EIF4ENIF1: variants seen among roughly 807,000 people sequenced by gnomAD.
The protein encoded by EIF4ENIF1 is eukaryotic translation initiation factor 4E nuclear import factor 1.
In EIF4ENIF1, 23 loss-of-function variants were observed where a neutral mutation model predicts 110.5. The observed-to-expected ratio is 0.21, with a 90% CI of 0.15 to 0.29. The LOEUF is 0.29. EIF4ENIF1 is among the 10% of genes least tolerant of loss of function. The probability of loss-of-function intolerance (pLI) is 1.00; values close to 1 mark genes in which losing one functional copy is unlikely to be tolerated. For missense variants in EIF4ENIF1, 1,031 were observed against 1,221.1 expected (o/e 0.84, Z 2.32); for synonymous variants, 440 against 437.0 (o/e 1.01, Z -0.09).
rs200828373 is a variant in EIF4ENIF1 at position 31,476,051 on chromosome 22, T to C, written c.97-4134A>G. Among the ~76,000 whole-genome samples, 4 of 152,154 alleles carry C rather than the reference T, an allele frequency of 2.6e-5. No homozygotes were observed. In the East Asian group the frequency reaches 7.7e-4, roughly 29 times the overall value. Reference sequence around the variant, plus strand: ...CCTAAGGACAAGAGGGCTTAAAATTTTTCTAGTAGAAACAGGAAGGACCTT... The same window carrying C: ...CCTAAGGACAAGAGGGCTTAAAATTCTTCTAGTAGAAACAGGAAGGACCTT... On this transcript the variant is annotated intron_variant, in intron 2 of 18. Transcript: ENST00000330125.
chr22:31,484,341 ACTT>A (rs536119699), intron 2 of EIF4ENIF1, among the ~76,000 whole-genome samples: 263 of 152,254 alleles, frequency 1.7e-3, no homozygotes, highest in Non-Finnish European at 2.9e-3. Context: ...AAACATTTAT[ACTT>A]CTTCTACTCA....
chr22:31,444,186 A>G (rs902543825), intron 15 of EIF4ENIF1, among the ~76,000 whole-genome samples: 2 of 152,170 alleles, frequency 1.3e-5, no homozygotes, highest in African/African-American at 4.8e-5. Context: ...GCCTTAGTTT[A>G]TATCACTGAG....
chr22:31,481,327 A>G (rs1461510390), intron 2 of EIF4ENIF1, among the ~76,000 whole-genome samples: 1 of 57,766 alleles, frequency 1.7e-5, no homozygotes, highest in East Asian at 3.0e-4. Flanking sequence ...CACCTCTGGC[A>G]ATTTTTTTTT....
intron 6 of EIF4ENIF1, 110 bp from the exon 7 acceptor site, chr22:31,458,760 G>C: frequency 9.9e-7 from 1 of 1,009,156 alleles, no homozygotes; most frequent in South Asian, 2.4e-5. Context: ...GACTTAAAAA[G>C]CAGACTTCTC....
In EIF4ENIF1 at chr22:31,454,210, A is replaced by G. The variant is rs763412780; in HGVS notation, c.1446T>C (p.Thr482=). 6.2e-7 allele frequency: 1 copy of G among 1,614,182 alleles called. No homozygotes were observed. Among genetic ancestry groups the G allele is most frequent in the Non-Finnish European group, 8.5e-7 (1 of 1,180,020 alleles). The stretch of plus-strand genomic sequence containing the variant: ...TTGTGCTCACTAGCTTGTTGAACGC[A>G]GTCATGTCTCCGTCTTTCTTCAGTT... ...NRQLKKDGDM[T]AFNKLVSTMK... Residue 482 remains threonine, a synonymous_variant, in exon 10 of 19, where the codon ACT becomes ACC. Transcript: ENST00000330125.
At position 31,455,177 on chromosome 22, in the gene EIF4ENIF1, A is replaced by G; in HGVS notation, c.1238T>C (p.Leu413Pro). Reference sequence around the variant, plus strand: ...TTCTTTATTTGCAGAAAGGCTGGAAAGAAGAGGTTTCAAATCCACTTTGGC... The same window carrying G: ...TTCTTTATTTGCAGAAAGGCTGGAAGGAAGAGGTTTCAAATCCACTTTGGC... Reference protein sequence around the residue: ...QKAKVDLKPLLSSLSANKEKL... With the variant: ...QKAKVDLKPLPSSLSANKEKL... Residue 413 changes from leucine to proline, a missense_variant, in exon 9 of 19, where the codon CTT becomes CCT. Physicochemically the swap from Leu to Pro is moderately conservative, Grantham distance 98. This residue lies in a region of EIF4ENIF1 where 704 missense variants were observed against 879.7 expected (regional missense o/e 0.80). Transcript: ENST00000330125. The G allele has an allele frequency of 6.2e-7, 1 of 1,612,946 alleles. No individual in the cohort carries two copies. The highest frequency in any genetic ancestry group is 2.2e-5 in the East Asian group (1 of 44,874).
chr22:31,485,053 G>T (rs1448855735), intron 2 of EIF4ENIF1, among the ~76,000 whole-genome samples: 1 of 152,176 alleles, frequency 6.6e-6, no homozygotes, highest in Non-Finnish European at 1.5e-5. Context: ...TTTAAAGGGA[G>T]AAGACTTCTT....
Position 31,441,836 on chromosome 22 carries a change from A to G in EIF4ENIF1, c.2489T>C (p.Leu830Ser), listed in dbSNP as rs1331283030. Residue 830 changes from leucine (L) to serine (S), a missense_variant, in exon 17 of 19, where the codon TTG (leucine) becomes TCG (serine). Physicochemically the swap from Leu to Ser is moderately radical, Grantham distance 145. Transcript: ENST00000330125. ...TCCCTGGGCCAGCATCCTCTGTACC[A>G]ACCCTGGGTGAAGCTGGTGAGCAGG... is the stretch of plus-strand genomic sequence containing the variant. ...VRPAHQLHPG[L>S]VQRMLAQGVH... 6.2e-7 allele frequency: 1 copy of G among 1,614,162 alleles called. No individual in the cohort carries two copies. Among genetic ancestry groups the G allele is most frequent in the Non-Finnish European group, 8.5e-7 (1 of 1,180,026 alleles).
At chr22:31,490,713 G>A (rs915558286), upstream of EIF4ENIF1, among the ~76,000 whole-genome samples, 1 of 152,130 alleles carries the variant, frequency 6.6e-6, no homozygotes, top group Non-Finnish European at 1.5e-5. Flanking sequence ...TGAGCAGTGT[G>A]GGTAACTGCA....
chr22:31,463,769 A>G lies in EIF4ENIF1; in HGVS notation c.497T>C (p.Phe166Ser). ...GSGRIISART[F>S]EKDHRLSDKD... Reference sequence around the variant, plus strand: ...ATCGCTAAGACGGTGATCCTTCTCAAAGGTCCGGGCAGAGATTATCCTCCC... The same window carrying G: ...ATCGCTAAGACGGTGATCCTTCTCAGAGGTCCGGGCAGAGATTATCCTCCC... The change falls in exon 5 of 19, where the codon TTT becomes TCT. Residue 166 changes from phenylalanine (F) to serine (S), a missense_variant. Around this residue, in one of 3 missense-constraint regions of EIF4ENIF1, gnomAD observed 704 missense variants for 879.7 expected, o/e 0.80. Transcript: ENST00000330125. 1 of 1,613,886 alleles carries G rather than the reference A, an allele frequency of 6.2e-7. No individual in the cohort carries two copies. Among genetic ancestry groups the G allele is most frequent in the South Asian group, 1.1e-5 (1 of 91,058 alleles).
At chr22:31,478,614 G>A (rs1048968384) in intron 2 of EIF4ENIF1, among the ~76,000 whole-genome samples, 40 of 151,376 alleles carry the variant, frequency 2.6e-4, no homozygotes, top group Admixed American at 1.3e-3. Context: ...TCACGAGATC[G>A]AGACCATCCT....
At chr22:31,455,359 AAAG>A (rs759797218) in intron 8 of EIF4ENIF1, 44 bp from the exon 9 acceptor site, 4 of 1,396,576 alleles carry the variant, frequency 2.9e-6, no homozygotes, top group Non-Finnish European at 3.8e-6. Context: ...CTGTTCCAGT[AAAG>A]AAACATGCCT....
chr22:31,487,516 G>T (rs973752940), intron 2 of EIF4ENIF1, among the ~76,000 whole-genome samples: 1 of 152,192 alleles, frequency 6.6e-6, no homozygotes, highest in Non-Finnish European at 1.5e-5. Flanking sequence ...AATGACTGAG[G>T]CCTGGCACAG....
Position 31,442,013 on chromosome 22 carries a change from A to G in EIF4ENIF1, c.2312T>C (p.Leu771Pro), listed in dbSNP as rs1216172409. 1.9e-6 allele frequency: 3 copies of G among 1,614,196 alleles called. No individual in the cohort carries two copies. Among genetic ancestry groups the G allele is most frequent in the East Asian group, 2.2e-5 (1 of 44,892 alleles). Residue 771 changes from leucine (L) to proline (P), a missense_variant, in exon 17 of 19, where the codon CTG (leucine) becomes CCG (proline). Leu to Pro is a moderately conservative substitution (Grantham distance 98). Around this residue, in one of 3 missense-constraint regions of EIF4ENIF1, gnomAD observed 309 missense variants for 299.1 expected, o/e 1.03. Coordinates refer to ENST00000330125, the MANE Select transcript of EIF4ENIF1 (RefSeq NM_019843.4). The stretch of plus-strand genomic sequence containing the variant: ...TTTGGTGTAACGGTTGGCCTGGGAC[A>G]GTGGGGTGGAACACGAAGACCTCTG... ...ALQRSSCSTP[L>P]SQANRYTKEQ...
chr22:31,467,077 G>A (rs536719067), intron 4 of EIF4ENIF1, among the ~76,000 whole-genome samples: 69 of 152,264 alleles, frequency 4.5e-4, no homozygotes, highest in African/African-American at 1.6e-3. Flanking sequence ...TGGTTTTACA[G>A]GACAATGCAA....
At chr22:31,471,378 G>A (rs1011231600) in intron 3 of EIF4ENIF1, among the ~76,000 whole-genome samples, 3 of 151,262 alleles carry the variant, frequency 2.0e-5, no homozygotes, top group African/African-American at 4.9e-5. Context: ...GCAGTAGTGC[G>A]ATCTCAGCTC....
intron 2 of EIF4ENIF1, among the ~76,000 whole-genome samples, chr22:31,484,850 C>G (rs1601658801): frequency 2.0e-5 from 3 of 152,284 alleles, no homozygotes; most frequent in East Asian, 3.9e-4. Context: ...CCAGTGAAAA[C>G]AGTTTCCCTC....
chr22:31,439,615 C>T lies in EIF4ENIF1; in HGVS notation c.*265G>A. On this transcript the variant is annotated 3_prime_UTR_variant, in exon 19 of 19. Coordinates refer to ENST00000330125, the MANE Select transcript of EIF4ENIF1 (RefSeq NM_019843.4). ...TGCCACCTCTTGGTGAGGACACCAA[C>T]ACTTCATTCACATATCTTACAAAAA... The T allele has an allele frequency of 2.0e-6, 1 of 489,566 alleles. No individual in the cohort carries two copies. The highest frequency in any genetic ancestry group is 3.6e-6 in the Non-Finnish European group (1 of 278,480). 30.3% of individuals were successfully genotyped at this position (489,566 alleles called of 1,614,324 possible).
intron 11 of EIF4ENIF1, 114 bp from the exon 12 acceptor site, chr22:31,449,645 G>T: frequency 1.1e-6 from 1 of 892,024 alleles, no homozygotes; most frequent in Non-Finnish European, 1.7e-6. Context: ...ATGCTCAACT[G>T]AAGGACTTGG....
Sources: gnomAD v4.1 joint callset for allele counts (sites outside exome capture counted in the v4.1 genomes callset) on GRCh38, gnomAD v4.1.1 for gene constraint, gnomAD v4.1.1 regional missense constraint, MANE v1.5 for transcripts, NCBI Gene and HGNC (gene_info 2026-07-23, HGNC 2026-07-21) for gene names.